The following CASC3 variants were observed in gnomAD, a reference collection of about 807,000 sequenced individuals.
CASC3 encodes protein CASC3.
In CASC3, 30 loss-of-function variants were observed where a neutral mutation model predicts 80.5. That is an observed-to-expected ratio of 0.37 (90% CI 0.28 to 0.51). The LOEUF (loss-of-function observed/expected upper bound fraction) is 0.51. CASC3 is among the 20% of genes least tolerant of loss of function. The pLI is 0.94. For missense variants in CASC3, 824 were observed against 922.2 expected, an observed-to-expected ratio of 0.89 and a Z score of 1.38; for synonymous variants, 312 against 333.6, an observed-to-expected ratio of 0.94 and a Z score of 0.70.
At chr17:40,168,621 T>G (rs1989514692) in intron 11 of CASC3, 6 of 555,284 alleles carry the variant, frequency 1.1e-5, no homozygotes, top group Non-Finnish European at 1.9e-5. Context: ...TCAGTTTTTT[T>G]CTCCGTTGCC....
chr17:40,168,108 C>T (rs1013686764), intron 10 of CASC3, 95 bp from the exon 11 acceptor site: 2 of 1,317,594 alleles, frequency 1.5e-6, no homozygotes, highest in Non-Finnish European at 2.2e-6. Context: ...CTGAGGACTT[C>T]CATTCTGAGC....
intron 11 of CASC3, 137 bp downstream of exon 11, chr17:40,168,554 C>CT: frequency 1.3e-6 from 1 of 750,870 alleles, no homozygotes; most frequent in South Asian, 1.8e-5. Context: ...CAAGACGCCT[C>CT]TTAGTGGTCA....
intron 3 of CASC3, among the ~76,000 whole-genome samples, chr17:40,156,168 C>T (rs1989141094): frequency 6.6e-6 from 1 of 152,096 alleles, no homozygotes; most frequent in Non-Finnish European, 1.5e-5. Context: ...CTTCAGGGAA[C>T]ATAGGATCAA....
chr17:40,140,776 GT>G lies in CASC3; in HGVS notation c.229del (p.Cys77ValfsTer39). On this transcript the variant is annotated frameshift_variant and splice_region_variant, in exon 1 of 14. Coordinates refer to ENST00000264645, the MANE Select transcript of CASC3 (RefSeq NM_007359.5). LOFTEE classifies it high-confidence loss of function. ...GGAKSAEESECESEDGIEGDA... is the reference protein window; with the variant it reads ...GGAKSAEESEXESEDGIEGDA... Reference sequence around the variant, plus strand: ...GCGCCAAGAGTGCTGAGGAGTCGGAGTGTGTGAGTGCGCGCAGGCGGGGCGG... The same window carrying G: ...GCGCCAAGAGTGCTGAGGAGTCGGAGGTGTGAGTGCGCGCAGGCGGGGCGG... 1.5e-6 allele frequency: 2 copies of G among 1,369,444 alleles called. No homozygotes were observed. The highest frequency in any genetic ancestry group is 1.9e-6 in the Non-Finnish European group (2 of 1,052,930). The allele number at this position is 1,369,444 out of a possible 1,614,324, so 84.8% of individuals were successfully genotyped here.
At chr17:40,159,236 C>CA (rs1028310255) in intron 3 of CASC3, among the ~76,000 whole-genome samples, 9 of 151,820 alleles carry the variant, frequency 5.9e-5, no homozygotes, top group African/African-American at 2.2e-4. Context: ...GACCCTGTCT[C>CA]AAAAAAGAGT....
chr17:40,153,111 AT>A (rs1567679057), intron 3 of CASC3, among the ~76,000 whole-genome samples: 3 of 152,132 alleles, frequency 2.0e-5, no homozygotes. Context: ...CATGCTGTAC[AT>A]TAGGTCTCCA....
chr17:40,171,256 G>A lies in CASC3; in HGVS notation c.*851G>A, dbSNP rs1472186298. The A allele has an allele frequency of 5.1e-6, 5 of 985,934 alleles. No homozygotes were observed. The highest frequency in any genetic ancestry group is 1.7e-5 in the African/African-American group (1 of 57,232). 61.1% of individuals were successfully genotyped at this position (985,934 alleles called of 1,614,324 possible). A position where few individuals can be genotyped will look rare whatever the true frequency, so the allele number is the denominator to read the frequency against. ...TGTGGGGAGAGATGGCACACCAGAT[G>A]CTTTTGTGAGAAAGGGATGGTGGAG... On this transcript the variant is annotated 3_prime_UTR_variant, in exon 14 of 14. Transcript: ENST00000264645.
chr17:40,141,691 T>A, intron 3 of CASC3, 84 bp downstream of exon 3: 1 of 971,200 alleles, frequency 1.0e-6, no homozygotes, highest in Non-Finnish European at 1.7e-6. Context: ...AAACGTACCA[T>A]GACCTCCGTG....
At position 40,140,757 on chromosome 17, in the gene CASC3, A is replaced by C; in HGVS notation, c.209A>C (p.Lys70Thr). 1 of 1,258,024 alleles carries C rather than the reference A, an allele frequency of 7.9e-7. No individual in the cohort carries two copies. The highest frequency in any genetic ancestry group is 5.9e-5 in the East Asian group (1 of 16,866). 77.9% of individuals were successfully genotyped at this position (1,258,024 alleles called of 1,614,324 possible). A position where few individuals can be genotyped will look rare whatever the true frequency, so the allele number is the denominator to read the frequency against. The change falls in exon 1 of 14, where the codon AAG becomes ACG. Residue 70 changes from lysine to threonine, a missense_variant. By Grantham distance (78) the Lys-to-Thr change is moderately conservative. This residue lies in a region of CASC3 where 159 missense variants were observed against 122.2 expected (regional missense o/e 1.30). Transcript: ENST00000264645. Reference sequence around the variant, plus strand: ...CGGCGGGTGGAGAGCGGGGGCGCCAAGAGTGCTGAGGAGTCGGAGTGTGTG... The same window carrying C: ...CGGCGGGTGGAGAGCGGGGGCGCCACGAGTGCTGAGGAGTCGGAGTGTGTG... ...HLRRVESGGA[K>T]SAEESECESE... is the part of the protein sequence containing the mutation.
intron 1 of CASC3, 142 bp downstream of exon 1, chr17:40,140,921 C>T (rs769668604): frequency 1.0e-5 from 7 of 699,068 alleles, no homozygotes; most frequent in Non-Finnish European, 1.6e-5. Context: ...GGAGTTATCC[C>T]AATGCGAGTT....
chr17:40,157,100 C>T (rs1989166377), intron 3 of CASC3, among the ~76,000 whole-genome samples: 1 of 152,042 alleles, frequency 6.6e-6, no homozygotes, highest in African/African-American at 2.4e-5. Flanking sequence ...AATCCCAGCA[C>T]TTTGGGAGGC....
At chr17:40,166,697 C>T (rs1989457285) in intron 7 of CASC3, 100 bp from the exon 8 acceptor site, 1 of 690,002 alleles carries the variant, frequency 1.4e-6, no homozygotes, top group Non-Finnish European at 2.4e-6. Flanking sequence ...AGAAAAAAGG[C>T]ATTCCTTATG....
chr17:40,156,917 C>T (rs1193664245), intron 3 of CASC3, among the ~76,000 whole-genome samples: 1 of 151,986 alleles, frequency 6.6e-6, no homozygotes, highest in East Asian at 1.9e-4. Context: ...ATGGCACGTG[C>T]CTGCAGTCCC....
intron 11 of CASC3, 38 bp downstream of exon 11, chr17:40,168,455 T>C: frequency 6.4e-7 from 1 of 1,558,870 alleles, no homozygotes; most frequent in East Asian, 2.2e-5. Flanking sequence ...TAGATACACA[T>C]TCTTTAATTC....
At position 40,166,860 on chromosome 17, in the gene CASC3, T is replaced by C. The variant is rs1989462004; in HGVS notation, c.1535T>C (p.Met512Thr). 10 of 1,605,852 alleles carry C rather than the reference T, an allele frequency of 6.2e-6. No individual in the cohort carries two copies. The East Asian group carries it at 1.8e-4, about 29-fold the overall frequency. Residue 512 changes from methionine to threonine, a missense_variant and splice_region_variant, in exon 8 of 14, where the codon ATG becomes ACG. Met to Thr is a moderately conservative substitution (Grantham distance 81). Coordinates refer to ENST00000264645, the MANE Select transcript of CASC3 (RefSeq NM_007359.5). ...PPPQFNRMEE[M>T]GVQGGRAKRY... ...CCTCAGTTTAACCGGATGGAAGAAA[T>C]GGTACAGAAGGGGAAAGGGGTAGAT...
In CASC3 at chr17:40,140,587, C is replaced by G. The variant is rs375234919; in HGVS notation, c.39C>G (p.Thr13=). The G allele has an allele frequency of 2.5e-6, 4 of 1,610,102 alleles. No individual in the cohort carries two copies. Among genetic ancestry groups the G allele is most frequent in the Admixed American group, 3.3e-5 (2 of 59,954 alleles). The change falls in exon 1 of 14, where the codon ACC becomes ACG. Residue 13 remains threonine (T), a synonymous_variant. Transcript: ENST00000264645. ...DRRRQRASQD[T]EDEESGASGS... is the part of the protein sequence containing the mutation. ...GGCGGCAGCGCGCTTCGCAAGACAC[C>G]GAGGACGAGGAATCTGGTGCTTCGG...
chr17:40,150,105 G>C (rs1988962447), intron 3 of CASC3, among the ~76,000 whole-genome samples: 1 of 152,062 alleles, frequency 6.6e-6, no homozygotes, highest in African/African-American at 2.4e-5. Flanking sequence ...AGCAGGACAG[G>C]CACGGTGGCT....
chr17:40,159,563 T>TTTTTTTA (rs1457386748), intron 3 of CASC3, among the ~76,000 whole-genome samples: 1 of 149,250 alleles, frequency 6.7e-6, no homozygotes, highest in Non-Finnish European at 1.5e-5. Flanking sequence ...TTTTTTTTTT[T>TTTTTTTA]GAGACAGGAT....
rs1988677475 is a variant in CASC3, at chr17:40,140,553, C to T, written c.5C>T (p.Ala2Val). The change falls in exon 1 of 14, where the codon GCG (alanine) becomes GTG (valine). Residue 2 changes from alanine (A) to valine (V), a missense_variant. By Grantham distance (64) the Ala-to-Val change is moderately conservative. Around this residue, in one of 3 missense-constraint regions of CASC3, gnomAD observed 159 missense variants for 122.2 expected, o/e 1.30. Coordinates refer to ENST00000264645, the MANE Select transcript of CASC3 (RefSeq NM_007359.5). M[A>V]DRRRQRASQD... The stretch of plus-strand genomic sequence containing the variant: ...GTGGTGGCCGTTCTCCGTAAGATGG[C>T]GGACCGGCGGCGGCAGCGCGCTTCG... The T allele has an allele frequency of 3.1e-6, 5 of 1,607,000 alleles. No homozygotes were observed. Among genetic ancestry groups the T allele is most frequent in the African/African-American group, 1.3e-5 (1 of 74,818 alleles).
Sources: allele counts gnomAD v4.1 joint callset (sites outside exome capture counted in the v4.1 genomes callset), GRCh38; gene constraint gnomAD v4.1.1; regional missense constraint gnomAD v4.1.1; transcripts MANE v1.5; gene names NCBI Gene and HGNC (gene_info 2026-07-23, HGNC 2026-07-21).